The following SCAMP1 variants were observed in gnomAD, a reference collection of about 807,000 sequenced individuals.
SCAMP1 encodes the protein secretory carrier membrane protein 1, also known as secretory carrier-associated membrane protein 1.
Under a neutral mutation model 41.8 loss-of-function variants are expected in SCAMP1, and 15 were observed. The ratio of observed to expected loss-of-function variants is 0.36; its 90% CI spans 0.24 to 0.55. SCAMP1 has a LOEUF of 0.55. Ranked by LOEUF, SCAMP1 falls within the 20% of genes least tolerant of loss-of-function variation. The probability of loss-of-function intolerance (pLI) is 0.86; values close to 1 mark genes in which losing one functional copy is unlikely to be tolerated. For missense variants in SCAMP1, 341 were observed against 412.6 expected (o/e 0.83, Z 1.50); for synonymous variants, 135 against 136.8 (o/e 0.99, Z 0.09).
At chr5:78,439,644 T>A (rs2162960) in intron 6 of SCAMP1, among the ~76,000 whole-genome samples, 116,058 of 152,128 alleles carry the variant, frequency 0.76, 44,921 homozygotes, top group African/African-American at 0.84. Context: ...GGCTGCCCTT[T>A]ACATTTTTTC....
At chr5:78,413,766 A>G (rs1013252122) in intron 2 of SCAMP1, among the ~76,000 whole-genome samples, 10 of 152,102 alleles carry the variant, frequency 6.6e-5, no homozygotes, top group African/African-American at 2.2e-4. Flanking sequence ...AACTACAGTT[A>G]TATCTTTGGT....
At chr5:78,419,790 G>A (rs1752296178) in intron 5 of SCAMP1, among the ~76,000 whole-genome samples, 1 of 152,108 alleles carries the variant, frequency 6.6e-6, no homozygotes, top group Non-Finnish European at 1.5e-5. Flanking sequence ...AATCTTTTAG[G>A]AGCATTCTTC....
chr5:78,461,827 G>T (rs1291420429), intron 8 of SCAMP1, among the ~76,000 whole-genome samples: 4 of 152,176 alleles, frequency 2.6e-5, no homozygotes, highest in Admixed American at 2.6e-4. Flanking sequence ...GCCTCCCAAA[G>T]TGCTGGGATT....
At position 78,478,940 on chromosome 5, in the gene SCAMP1, G is replaced by A. The variant is rs1754067797; in HGVS notation, c.*3272G>A. 6.6e-6 allele frequency: 1 copy of A among 152,096 alleles called. No individual in the cohort carries two copies. The highest frequency in any genetic ancestry group is 1.5e-5 in the Non-Finnish European group (1 of 67,964). 9.4% of individuals were successfully genotyped at this position (152,096 alleles called of 1,614,324 possible). ...TTCATGTTAAGATTATGTATGGTTTGCATTTTAAGGGGATTTATGTTAGGT... is the reference window on the plus strand; with the variant it reads ...TTCATGTTAAGATTATGTATGGTTTACATTTTAAGGGGATTTATGTTAGGT... On this transcript the variant is annotated 3_prime_UTR_variant, in exon 9 of 9. Transcript: ENST00000621999.
chr5:78,382,776 GGTGTGTGTGTGTGT>G lies in SCAMP1; in HGVS notation c.58-6031_58-6018del, dbSNP rs61523492. On this transcript the variant is annotated intron_variant, in intron 1 of 8. Coordinates refer to ENST00000621999, the MANE Select transcript of SCAMP1 (RefSeq NM_004866.6). ...TTTTCATGGCTGAGTAGTATTCCAT[GGTGTGTGTGTGTGT>G]GTGTGTGTGTGTGTGTGTGTGTGTG... Among the ~76,000 whole-genome samples, 6 of 130,262 alleles carry G rather than the reference GGTGTGTGTGTGTGT, an allele frequency of 4.6e-5. No homozygotes were observed. The East Asian group carries it at 8.2e-4, about 18-fold the overall frequency. 85.5% of individuals were successfully genotyped at this position (130,262 alleles called of 152,430 possible). A position where few individuals can be genotyped will look rare whatever the true frequency, so the allele number is the denominator to read the frequency against.
At chr5:78,397,340 A>G (rs1181576951) in intron 2 of SCAMP1, among the ~76,000 whole-genome samples, 3 of 152,156 alleles carry the variant, frequency 2.0e-5, no homozygotes, top group Admixed American at 6.5e-5. Flanking sequence ...TAACTCAATC[A>G]TAGACCTAAA....
chr5:78,448,799 G>A (rs1294433313), intron 6 of SCAMP1, among the ~76,000 whole-genome samples: 1 of 152,052 alleles, frequency 6.6e-6, no homozygotes, highest in Non-Finnish European at 1.5e-5. Flanking sequence ...TTGGGAGTTC[G>A]AGACCAACCT....
chr5:78,377,048 T>A (rs1331835818), intron 1 of SCAMP1, among the ~76,000 whole-genome samples: 1 of 152,110 alleles, frequency 6.6e-6, no homozygotes, highest in Non-Finnish European at 1.5e-5. Context: ...CCTTCCCTCC[T>A]CTTTTTTGCT....
chr5:78,361,381 C>G lies in SCAMP1; in HGVS notation c.57+653C>G, dbSNP rs117966396. On this transcript the variant is annotated intron_variant, in intron 1 of 8. Transcript: ENST00000621999. ...CTTAAAAATAAACATATCTGGAAAACAATAGTGCACGTGGACGACCTCTTC... is the reference window on the plus strand; with the variant it reads ...CTTAAAAATAAACATATCTGGAAAAGAATAGTGCACGTGGACGACCTCTTC... Among the ~76,000 whole-genome samples the G allele has an allele frequency of 3.1e-4, 47 of 152,222 alleles. 1 individual carries two copies. The East Asian group carries it at 7.5e-3, about 24-fold the overall frequency.
chr5:78,369,007 G>A (rs1042150458), intron 1 of SCAMP1, among the ~76,000 whole-genome samples: 3 of 151,780 alleles, frequency 2.0e-5, no homozygotes, highest in African/African-American at 7.3e-5. Context: ...AACCTACAGA[G>A]ATGCCTAATT....
At chr5:78,432,915 C>T (rs1350702565) in intron 6 of SCAMP1, among the ~76,000 whole-genome samples, 2 of 151,904 alleles carry the variant, frequency 1.3e-5, no homozygotes, top group Non-Finnish European at 2.9e-5. Flanking sequence ...ATGTTCTATT[C>T]TTTATTTCCA....
At chr5:78,400,096 A>G (rs527409080) in intron 2 of SCAMP1, among the ~76,000 whole-genome samples, 15 of 152,126 alleles carry the variant, frequency 9.9e-5, no homozygotes, top group Non-Finnish European at 2.1e-4. Context: ...TCCATTTTGA[A>G]TTAATTTTGC....
chr5:78,456,978 G>A lies in SCAMP1; in HGVS notation c.735-2267G>A, dbSNP rs556216816. Among the ~76,000 whole-genome samples, 38 of 132,468 alleles carry A rather than the reference G, an allele frequency of 2.9e-4. No homozygotes were observed. The East Asian group carries it at 6.7e-3, about 23-fold the overall frequency. The allele number at this position is 132,468 out of a possible 152,430, so 86.9% of individuals were successfully genotyped here. A position where few individuals can be genotyped will look rare whatever the true frequency, so the allele number is the denominator to read the frequency against. On this transcript the variant is annotated intron_variant, in intron 7 of 8. Transcript: ENST00000621999. ...ACCCTTTCTTCCAGTTGATCGCATG[G>A]GCTCCTGAGGCTTCTGCATTCTTCA... is the stretch of plus-strand genomic sequence containing the variant.
At chr5:78,469,976 G>C (rs1049687284) in intron 8 of SCAMP1, among the ~76,000 whole-genome samples, 1 of 141,578 alleles carries the variant, frequency 7.1e-6, no homozygotes, top group Admixed American at 7.3e-5. Context: ...TATTGTCCTA[G>C]CTGTTGGAGA....
intron 5 of SCAMP1, 92 bp from the exon 6 acceptor site, chr5:78,421,709 G>C: frequency 9.4e-7 from 1 of 1,065,078 alleles, no homozygotes; most frequent in Admixed American, 2.1e-5. Flanking sequence ...TTTGCTCTTA[G>C]GAAGTATTTT....
intron 2 of SCAMP1, among the ~76,000 whole-genome samples, chr5:78,409,648 G>A (rs1432873047): frequency 6.6e-6 from 1 of 152,128 alleles, no homozygotes; most frequent in East Asian, 1.9e-4. Context: ...CAGGATAATA[G>A]CTATTAGATT....
intron 6 of SCAMP1, among the ~76,000 whole-genome samples, chr5:78,439,497 A>T: frequency 6.6e-6 from 1 of 152,156 alleles, no homozygotes. Context: ...TGGATATGAA[A>T]TTCTGGGTTG....
intron 1 of SCAMP1, among the ~76,000 whole-genome samples, chr5:78,387,389 A>C (rs1440096768): frequency 7.1e-6 from 1 of 141,804 alleles, no homozygotes; most frequent in African/African-American, 2.6e-5. Context: ...AATTTCTTTA[A>C]GTTGGCCTTT....
intron 8 of SCAMP1, among the ~76,000 whole-genome samples, chr5:78,473,374 T>G (rs1234639283): frequency 3.9e-5 from 6 of 152,310 alleles, no homozygotes; most frequent in African/African-American, 1.4e-4. Flanking sequence ...TTTCTTCTCT[T>G]GGCATCAGTG....
Sources: allele counts gnomAD v4.1 joint callset (sites outside exome capture counted in the v4.1 genomes callset), GRCh38; gene constraint gnomAD v4.1.1; transcripts MANE v1.5; gene names NCBI Gene and HGNC (gene_info 2026-07-23, HGNC 2026-07-21).